Variants in PPM1B observed in about 807,000 individuals in gnomAD.
PPM1B encodes protein phosphatase 1B.
PPM1B carries 22 observed loss-of-function variants against 43.0 expected under a neutral mutation model. The ratio of observed to expected loss-of-function variants is 0.51; its 90% CI spans 0.37 to 0.73. PPM1B has a LOEUF of 0.73. Ranked by LOEUF, PPM1B falls within the 30% of genes least tolerant of loss-of-function variation. The pLI, the probability that PPM1B is intolerant of heterozygous loss-of-function variation, is 0.00. For missense variants in PPM1B, 632 were observed against 584.2 expected (o/e 1.08, Z -0.84); for synonymous variants, 217 against 197.9 (o/e 1.10, Z -0.81).
downstream of PPM1B, among the ~76,000 whole-genome samples, chr2:44,245,711 A>AC (rs914974923): frequency 1.3e-5 from 2 of 152,212 alleles, no homozygotes; most frequent in Non-Finnish European, 2.9e-5. Context: ...ACCCATGACT[A>AC]CACCCTCTGT....
At chr2:44,205,160 C>G (rs1028843789) in intron 2 of PPM1B, among the ~76,000 whole-genome samples, 1 of 151,786 alleles carries the variant, frequency 6.6e-6, no homozygotes, top group Non-Finnish European at 1.5e-5. Flanking sequence ...CTGAGGTGAA[C>G]AAAATAAAAA....
chr2:44,203,687 A>G (rs1353170650), intron 2 of PPM1B, among the ~76,000 whole-genome samples: 2 of 152,138 alleles, frequency 1.3e-5, no homozygotes, highest in Non-Finnish European at 2.9e-5. Context: ...TTTTCCAACA[A>G]TATATTGTAG....
chr2:44,210,316 A>G (rs1669399937), intron 3 of PPM1B, among the ~76,000 whole-genome samples: 1 of 151,312 alleles, frequency 6.6e-6, no homozygotes, highest in South Asian at 2.1e-4. Context: ...CCCTGGGCTC[A>G]AGTGATCCTC....
intron 2 of PPM1B, among the ~76,000 whole-genome samples, chr2:44,207,190 G>A (rs572676842): frequency 6.6e-6 from 1 of 152,294 alleles, no homozygotes; most frequent in South Asian, 2.1e-4. Flanking sequence ...GAATTAGGAG[G>A]TGAAGGCAGA....
At chr2:44,193,070 C>A (rs893932202) in intron 1 of PPM1B, among the ~76,000 whole-genome samples, 1 of 152,182 alleles carries the variant, frequency 6.6e-6, no homozygotes, top group Non-Finnish European at 1.5e-5. Context: ...AATTCAGTTC[C>A]TTAGGGTTAT....
At chr2:44,209,080 T>G in intron 2 of PPM1B, 130 bp from the exon 3 acceptor site, 1 of 808,752 alleles carries the variant, frequency 1.2e-6, no homozygotes, top group Non-Finnish European at 1.8e-6. Context: ...TTCATTGGAA[T>G]AAAAATGAAT....
At chr2:44,174,022 A>G (rs966662847) in intron 1 of PPM1B, among the ~76,000 whole-genome samples, 3 of 152,242 alleles carry the variant, frequency 2.0e-5, no homozygotes, top group East Asian at 1.9e-4. Flanking sequence ...TAGTATTTTA[A>G]TTTGTTAGTT....
chr2:44,237,284 C>T (rs1670646216), downstream of PPM1B, among the ~76,000 whole-genome samples: 1 of 152,094 alleles, frequency 6.6e-6, no homozygotes. Flanking sequence ...TTTGATGATT[C>T]GTGTATGTTA....
chr2:44,171,557 C>T (rs538379603), intron 1 of PPM1B, among the ~76,000 whole-genome samples: 2 of 152,208 alleles, frequency 1.3e-5, no homozygotes, highest in South Asian at 2.1e-4. Context: ...AGGCCAGGTG[C>T]GGTGGCTCAT....
chr2:44,235,613 A>G (rs891750713), downstream of PPM1B, among the ~76,000 whole-genome samples: 1 of 151,056 alleles, frequency 6.6e-6, no homozygotes, highest in Non-Finnish European at 1.5e-5. Context: ...CAAAAAAAAA[A>G]AAAAAAAAAA....
At chr2:44,180,715 A>G (rs572765030) in intron 1 of PPM1B, among the ~76,000 whole-genome samples, 2 of 151,914 alleles carry the variant, frequency 1.3e-5, no homozygotes, top group South Asian at 2.1e-4. Flanking sequence ...GGCTCAAGCT[A>G]TCCTTCTGCC....
chr2:44,241,000 AT>A (rs1274488576), intron 5 of PPM1B, among the ~76,000 whole-genome samples: 1 of 122,716 alleles, frequency 8.1e-6, no homozygotes, highest in Admixed American at 7.6e-5. Context: ...AAGCATCTTT[AT>A]TTTTATTTTT....
At chr2:44,169,668 A>G (rs143291324) in intron 1 of PPM1B, among the ~76,000 whole-genome samples, 1 of 152,206 alleles carries the variant, frequency 6.6e-6, no homozygotes. Context: ...GTTTGAAAAC[A>G]CTATCTTTTA....
At chr2:44,237,056 A>G (rs1365423724), downstream of PPM1B, among the ~76,000 whole-genome samples, 4 of 152,252 alleles carry the variant, frequency 2.6e-5, no homozygotes, top group Non-Finnish European at 5.9e-5. Context: ...TCAAGCAATG[A>G]TTTAATTTCA....
intron 3 of PPM1B, among the ~76,000 whole-genome samples, chr2:44,211,650 A>C (rs1310500021): frequency 2.0e-5 from 3 of 150,548 alleles, no homozygotes; most frequent in Admixed American, 6.6e-5. Flanking sequence ...TTAATAACCT[A>C]TTGCTCATTA....
At chr2:44,229,980 CCTA>C in intron 5 of PPM1B, 1 of 1,569,216 alleles carries the variant, frequency 6.4e-7, no homozygotes, top group African/African-American at 1.3e-5. Flanking sequence ...TTTTGTATTT[CCTA>C]CTTATTTAGC....
downstream of PPM1B, among the ~76,000 whole-genome samples, chr2:44,245,035 C>T (rs561317432): frequency 6.6e-6 from 1 of 151,984 alleles, no homozygotes; most frequent in South Asian, 2.1e-4. Context: ...CAACAATTTA[C>T]GTATCCATGC....
At chr2:44,213,104 C>CT (rs57890131) in intron 3 of PPM1B, among the ~76,000 whole-genome samples, 2,567 of 131,474 alleles carry the variant, frequency 0.02, 37 homozygotes, top group African/African-American at 0.037. Context: ...TCTTAAGGCC[C>CT]TTTTTTTTTT....
chr2:44,194,936 T>C (rs576147939), intron 1 of PPM1B, among the ~76,000 whole-genome samples: 1 of 149,502 alleles, frequency 6.7e-6, no homozygotes, highest in Non-Finnish European at 1.5e-5. Context: ...TCTTACTCTG[T>C]CACCCAGGCT....
Sources: allele counts gnomAD v4.1 joint callset (sites outside exome capture counted in the v4.1 genomes callset), GRCh38; gene constraint gnomAD v4.1.1; transcripts MANE v1.5; gene names NCBI Gene and HGNC (gene_info 2026-07-23, HGNC 2026-07-21).